Variants in HLA-DOB observed in about 807,000 individuals in gnomAD.
HLA-DOB encodes HLA class II histocompatibility antigen, DO beta chain.
Under a neutral mutation model 27.7 loss-of-function variants are expected in HLA-DOB, and 25 were observed. The ratio of observed to expected loss-of-function variants is 0.90; its 90% CI spans 0.66 to 1.26. HLA-DOB has a LOEUF of 1.26. Among genes scored for constraint, HLA-DOB ranks in the 50% most tolerant of loss-of-function variants. The probability of loss-of-function intolerance (pLI) is 0.00; values close to 1 mark genes in which losing one functional copy is unlikely to be tolerated. For synonymous variants in HLA-DOB, 137 were observed against 125.6 expected (o/e 1.09, Z -0.61); for missense variants, 306 against 324.9 (o/e 0.94, Z 0.45).
At chr6:32,815,596 G>A (rs1767985443) in intron 1 of HLA-DOB, among the ~76,000 whole-genome samples, 1 of 152,208 alleles carries the variant, frequency 6.6e-6, no homozygotes, top group Non-Finnish European at 1.5e-5. Context: ...TCTAGGGAGG[G>A]GAGAGAATGA....
chr6:32,813,369 T>C, intron 5 of HLA-DOB, 71 bp downstream of exon 5: 1 of 1,587,812 alleles, frequency 6.3e-7, no homozygotes, highest in Non-Finnish European at 8.6e-7. Flanking sequence ...CCTACCCCCA[T>C]GTCATCTCCC....
At chr6:32,813,576 T>C (rs1262675232) in intron 4 of HLA-DOB, 105 bp from the exon 5 acceptor site, 2 of 1,353,148 alleles carry the variant, frequency 1.5e-6, no homozygotes, top group Admixed American at 1.7e-5. Context: ...TCTCTGCTTA[T>C]CCCATTTCTA....
At chr6:32,813,868 TCCCA>T in intron 3 of HLA-DOB, 35 bp from the exon 4 acceptor site, 1 of 1,269,338 alleles carries the variant, frequency 7.9e-7, no homozygotes, top group Non-Finnish European at 1.1e-6. Context: ...AGTAAAAATA[TCCCA>T]ATATTTAAAG....
chr6:32,814,573 C>T lies in HLA-DOB; in HGVS notation c.390G>A (p.Glu130=). 6.2e-7 allele frequency: 1 copy of T among 1,612,926 alleles called. No individual in the cohort carries two copies. Among genetic ancestry groups the T allele is most frequent in the Non-Finnish European group, 8.5e-7 (1 of 1,179,940 alleles). The stretch of plus-strand genomic sequence containing the variant: ...TATGCTGGTGCAGGAGTGGGGTCCT[C>T]TCTGGGTACACTGTCACCTCTGGTT... ...KVQPEVTVYP[E]RTPLLHQHNL... is the part of the protein sequence containing the mutation. Residue 130 remains glutamate, a synonymous_variant, in exon 3 of 6, where the codon GAG becomes GAA. Transcript: ENST00000438763.
In HLA-DOB at chr6:32,815,062, A is replaced by G; in HGVS notation, c.343T>C (p.Phe115Leu). 6.2e-7 allele frequency: 1 copy of G among 1,614,104 alleles called. No homozygotes were observed. ...CRHNYRLGAP[F>L]TVGRKVQPEV... Reference sequence around the variant, plus strand: ...AGCTCACCTTTTCTCCCCACAGTGAAGGGTGCGCCCAGCCTGTAGTTGTGT... The same window carrying G: ...AGCTCACCTTTTCTCCCCACAGTGAGGGGTGCGCCCAGCCTGTAGTTGTGT... The change falls in exon 2 of 6, where the codon TTC becomes CTC. Residue 115 changes from phenylalanine (F) to leucine (L), a missense_variant. Physicochemically the swap from Phe to Leu is conservative, Grantham distance 22 (BLOSUM62 0). Coordinates refer to ENST00000438763, the MANE Select transcript of HLA-DOB (RefSeq NM_002120.4).
Position 32,813,107 on chromosome 6 carries a change from A to C in HLA-DOB, c.*109T>G. The C allele has an allele frequency of 5.6e-5, 56 of 1,004,066 alleles. No individual in the cohort carries two copies. Among genetic ancestry groups the C allele is most frequent in the Middle Eastern group, 2.0e-4 (1 of 4,882 alleles). 62.2% of individuals were successfully genotyped at this position (1,004,066 alleles called of 1,614,324 possible). The stretch of plus-strand genomic sequence containing the variant: ...TTCGGGCTCCTCCAAGGATCAGGGA[A>C]GAGAGTTATTCCCAGAACATTGACC... On this transcript the variant is annotated 3_prime_UTR_variant, in exon 6 of 6. Coordinates refer to ENST00000438763, the MANE Select transcript of HLA-DOB (RefSeq NM_002120.4).
intron 5 of HLA-DOB, 55 bp from the exon 6 acceptor site, chr6:32,813,306 G>A (rs568328543): frequency 1.2e-5 from 20 of 1,603,778 alleles, no homozygotes; most frequent in Admixed American, 8.3e-5. Flanking sequence ...CCCCACAGCC[G>A]TTCCAGAGAC....
At chr6:32,814,751 A>C (rs1283255402) in intron 2 of HLA-DOB, 150 bp from the exon 3 acceptor site, 1 of 768,818 alleles carries the variant, frequency 1.3e-6, no homozygotes, top group Non-Finnish European at 2.1e-6. Flanking sequence ...CAAGATCAGT[A>C]ACAGGGTATG....
At chr6:32,813,657 G>T in intron 4 of HLA-DOB, 66 bp downstream of exon 4, 1 of 1,200,034 alleles carries the variant, frequency 8.3e-7, no homozygotes, top group Admixed American at 2.0e-5. Flanking sequence ...GATCATTGAC[G>T]TTAGGGAAGG....
At position 32,812,989 on chromosome 6, in the gene HLA-DOB, C is replaced by T. The variant is rs1487587299; in HGVS notation, c.*227G>A. Reference sequence around the variant, plus strand: ...CTCAGGGGAGTTTCTGGACAATGCCCTTGGCAATGGGGATTAATGATGTAC... The same window carrying T: ...CTCAGGGGAGTTTCTGGACAATGCCTTTGGCAATGGGGATTAATGATGTAC... On this transcript the variant is annotated 3_prime_UTR_variant, in exon 6 of 6. Coordinates refer to ENST00000438763, the MANE Select transcript of HLA-DOB (RefSeq NM_002120.4). The T allele has an allele frequency of 1.7e-6, 1 of 592,780 alleles. No homozygotes were observed. Among genetic ancestry groups the T allele is most frequent in the Non-Finnish European group, 3.0e-6 (1 of 333,002 alleles). The allele number at this position is 592,780 out of a possible 1,614,324, so 36.7% of individuals were successfully genotyped here.
rs1767848082 is a variant in HLA-DOB, at chr6:32,812,814, G to A, written c.*402C>T. On this transcript the variant is annotated 3_prime_UTR_variant, in exon 6 of 6. Coordinates refer to ENST00000438763, the MANE Select transcript of HLA-DOB (RefSeq NM_002120.4). The stretch of plus-strand genomic sequence containing the variant: ...TGACAATAAAAGGTTTTTAAAAACA[G>A]TGAAAAGGAAACAGTGACTACCTGA... 1 of 196,462 alleles carries A rather than the reference G, an allele frequency of 5.1e-6. No homozygotes were observed. Among genetic ancestry groups the A allele is most frequent in the African/African-American group, 2.3e-5 (1 of 43,036 alleles). The allele number at this position is 196,462 out of a possible 1,614,324, so 12.2% of individuals were successfully genotyped here. A position where few individuals can be genotyped will look rare whatever the true frequency, so the allele number is the denominator to read the frequency against.
chr6:32,813,097 G>T lies in HLA-DOB; in HGVS notation c.*119C>A. On this transcript the variant is annotated 3_prime_UTR_variant, in exon 6 of 6. Coordinates refer to ENST00000438763, the MANE Select transcript of HLA-DOB (RefSeq NM_002120.4). ...CCAGAATCAGTTCGGGCTCCTCCAA[G>T]GATCAGGGAAGAGAGTTATTCCCAG... The T allele has an allele frequency of 1.1e-6, 1 of 948,942 alleles. No homozygotes were observed. Among genetic ancestry groups the T allele is most frequent in the Non-Finnish European group, 1.7e-6 (1 of 580,288 alleles). The allele number at this position is 948,942 out of a possible 1,614,324, so 58.8% of individuals were successfully genotyped here. A position where few individuals can be genotyped will look rare whatever the true frequency, so the allele number is the denominator to read the frequency against.
chr6:32,814,841 G>A (rs1049441767), intron 2 of HLA-DOB, among the ~76,000 whole-genome samples: 1 of 152,088 alleles, frequency 6.6e-6, no homozygotes, highest in Non-Finnish European at 1.5e-5. Flanking sequence ...AATAGCCCTC[G>A]AAGTCCCTGA....
chr6:32,816,430 T>G (rs1435449180), intron 1 of HLA-DOB, among the ~76,000 whole-genome samples: 1 of 152,222 alleles, frequency 6.6e-6, no homozygotes, highest in African/African-American at 2.4e-5. Flanking sequence ...GAGCAACCTT[T>G]GTTTCCAGTT....
rs1248320058 is a variant in HLA-DOB, at chr6:32,813,132, C to T, written c.*84G>A. ...AGAGAGTTATTCCCAGAACATTGAC[C>T]TCATGAATGTCCTTTACCTCACCCA... is the stretch of plus-strand genomic sequence containing the variant. On this transcript the variant is annotated 3_prime_UTR_variant, in exon 6 of 6. Coordinates refer to ENST00000438763, the MANE Select transcript of HLA-DOB (RefSeq NM_002120.4). 2.5e-6 allele frequency: 3 copies of T among 1,211,830 alleles called. No individual in the cohort carries two copies. Among genetic ancestry groups the T allele is most frequent in the South Asian group, 1.2e-5 (1 of 83,112 alleles). 75.1% of individuals were successfully genotyped at this position (1,211,830 alleles called of 1,614,324 possible). A position where few individuals can be genotyped will look rare whatever the true frequency, so the allele number is the denominator to read the frequency against.
chr6:32,814,938 A>T, intron 2 of HLA-DOB, 106 bp downstream of exon 2: 1 of 1,287,832 alleles, frequency 7.8e-7, no homozygotes, highest in Non-Finnish European at 1.1e-6. Flanking sequence ...CTACACAGAC[A>T]ACCATTTATC....
chr6:32,813,292 C>T, intron 5 of HLA-DOB, 41 bp from the exon 6 acceptor site: 2 of 1,610,912 alleles, frequency 1.2e-6, no homozygotes, highest in African/African-American at 1.3e-5. Flanking sequence ...GCAGCCTCAC[C>T]ACCCCCCACA....
chr6:32,814,364 A>G lies in HLA-DOB; in HGVS notation c.599T>C (p.Leu200Pro). 3.1e-6 allele frequency: 5 copies of G among 1,613,046 alleles called. No individual in the cohort carries two copies. The highest frequency in any genetic ancestry group is 3.4e-6 in the Non-Finnish European group (4 of 1,180,004). Residue 200 changes from leucine (L) to proline (P), a missense_variant, in exon 3 of 6, where the codon CTT becomes CCT. Physicochemically the swap from Leu to Pro is moderately conservative, Grantham distance 98. Coordinates refer to ENST00000438763, the MANE Select transcript of HLA-DOB (RefSeq NM_002120.4). Reference sequence around the variant, plus strand: ...GCTCAGCAGGCTGGAGTGATCGACAAGGCAGGTGTAGACATGTCCAAGTTC... The same window carrying G: ...GCTCAGCAGGCTGGAGTGATCGACAGGGCAGGTGTAGACATGTCCAAGTTC... ...TPELGHVYTC[L>P]VDHSSLLSPV...
In HLA-DOB at chr6:32,813,206, A is replaced by G. The variant is rs1767869383; in HGVS notation, c.*10T>C. On this transcript the variant is annotated 3_prime_UTR_variant, in exon 6 of 6. Coordinates refer to ENST00000438763, the MANE Select transcript of HLA-DOB (RefSeq NM_002120.4). ...TTCAGGCTCCAGAGAGAGAAGCTTC[A>G]GTGAGGACCTTAGCATGACTGAGGG... 6.2e-7 allele frequency: 1 copy of G among 1,612,622 alleles called. No individual in the cohort carries two copies.
Sources: gnomAD v4.1 joint callset for allele counts (sites outside exome capture counted in the v4.1 genomes callset) on GRCh38, gnomAD v4.1.1 for gene constraint, MANE v1.5 for transcripts, NCBI Gene and HGNC (gene_info 2026-07-23, HGNC 2026-07-21) for gene names.